HERC2: variants seen among roughly 807,000 people sequenced by gnomAD.
HERC2 encodes E3 ubiquitin-protein ligase HERC2.
HERC2 carries 102 observed loss-of-function variants against 537.7 expected under a neutral mutation model. The ratio of observed to expected loss-of-function variants is 0.19; its 90% CI spans 0.16 to 0.22. HERC2 has a LOEUF of 0.22. Among genes scored for constraint, HERC2 ranks in the 10% least tolerant of loss-of-function variants. The probability of loss-of-function intolerance (pLI) is 1.00; values close to 1 mark genes in which losing one functional copy is unlikely to be tolerated. For synonymous variants in HERC2, 2,224 were observed against 2,466.2 expected (o/e 0.90, Z 2.91); for missense variants, 4,236 against 6,198.2 (o/e 0.68, Z 10.63).
Position 28,301,544 on chromosome 15 carries a change from C to T in HERC2, c.73-2028G>A, listed in dbSNP as rs554438807. Among the ~76,000 whole-genome samples, 443 of 150,216 alleles carry T rather than the reference C, an allele frequency of 2.9e-3. 1 individual carries two copies. The highest frequency in any genetic ancestry group is 0.01 in the African/African-American group (416 of 41,094). ...GTCAACATTTGTGAGTCAGAAAAGG[C>T]TTCCCAGAACAGGAAAAGGGAGCAT... is the stretch of plus-strand genomic sequence containing the variant. On this transcript the variant is annotated intron_variant, in intron 2 of 92. Coordinates refer to ENST00000261609, the MANE Select transcript of HERC2 (RefSeq NM_004667.6).
chr15:28,305,376 T>A (rs1175322578), intron 2 of HERC2, among the ~76,000 whole-genome samples: 6 of 151,194 alleles, frequency 4.0e-5, no homozygotes, highest in African/African-American at 1.5e-4. Flanking sequence ...TAACGCCGCA[T>A]ACCTACAACT....
intron 2 of HERC2, among the ~76,000 whole-genome samples, chr15:28,310,173 A>G (rs931121096): frequency 3.9e-5 from 6 of 152,354 alleles, no homozygotes; most frequent in African/African-American, 1.4e-4. Context: ...AAAGCTGAGC[A>G]TGGTGGCTCA....
chr15:28,156,135 T>C (rs1892984032), intron 69 of HERC2, among the ~76,000 whole-genome samples: 1 of 152,242 alleles, frequency 6.6e-6, no homozygotes, highest in Non-Finnish European at 1.5e-5. Flanking sequence ...TCTGTTTTGG[T>C]ACCAGTACCA....
chr15:28,175,476 G>A (rs1399117666), intron 64 of HERC2, 36 bp downstream of exon 64: 20 of 1,577,944 alleles, frequency 1.3e-5, no homozygotes, highest in Non-Finnish European at 1.6e-5. Flanking sequence ...CCCAAGTCAG[G>A]ATGGCACGCC....
chr15:28,274,077 A>G (rs1190741634), intron 7 of HERC2, among the ~76,000 whole-genome samples: 1 of 152,242 alleles, frequency 6.6e-6, no homozygotes, highest in East Asian at 1.9e-4. Context: ...CGTCTCATTT[A>G]GTATCACAGC....
intron 2 of HERC2, among the ~76,000 whole-genome samples, chr15:28,316,213 ACT>A (rs1387357773): frequency 2.0e-3 from 250 of 124,258 alleles, no homozygotes; most frequent in African/African-American, 7.5e-3. Context: ...ACAGAGTGAG[ACT>A]CTGTCTCAAA....
At chr15:28,184,587 C>T (rs1346999819) in intron 56 of HERC2, among the ~76,000 whole-genome samples, 1 of 151,994 alleles carries the variant, frequency 6.6e-6, no homozygotes, top group Non-Finnish European at 1.5e-5. Context: ...TATGGCCAGG[C>T]GCAGTGGCTC....
rs757734104 is a variant in HERC2 at position 28,152,668 on chromosome 15, C to G, written c.10900+9G>C. 10 of 1,543,276 alleles carry G rather than the reference C, an allele frequency of 6.5e-6. No homozygotes were observed. The highest frequency in any genetic ancestry group is 8.8e-6 in the Non-Finnish European group (10 of 1,142,084). ...GGCTGCAGCTCCCCGCTGGGGCCAG[C>G]CCCTGTACCTGGTATCTTCACTGTG... On this transcript the variant is annotated intron_variant, in intron 70 of 92. Coordinates refer to ENST00000261609, the MANE Select transcript of HERC2 (RefSeq NM_004667.6).
chr15:28,142,848 C>G lies in HERC2; in HGVS notation c.11523G>C (p.Leu3841=), dbSNP rs1891363200. Residue 3841 remains leucine, a synonymous_variant, in exon 75 of 93, where the codon CTG becomes CTC. Transcript: ENST00000261609. Reference sequence around the variant, plus strand: ...TTACCTTAAAGAATGGGCTGTGGAGCAGCTGTTTGCCACCCCTCACAATAG... The same window carrying G: ...TTACCTTAAAGAATGGGCTGTGGAGGAGCTGTTTGCCACCCCTCACAATAG... ...EDPIVRGGKQ[L]LHSPFFKVLV... is the part of the protein sequence containing the mutation. The G allele has an allele frequency of 1.9e-6, 3 of 1,576,952 alleles. No homozygotes were observed. Among genetic ancestry groups the G allele is most frequent in the Non-Finnish European group, 2.6e-6 (3 of 1,151,576 alleles).
chr15:28,292,424 G>T (rs2141140022), intron 4 of HERC2, among the ~76,000 whole-genome samples: 1 of 152,246 alleles, frequency 6.6e-6, no homozygotes, highest in East Asian at 1.9e-4. Flanking sequence ...AACAAAAAGT[G>T]TTGGTGAGGG....
Position 28,163,116 on chromosome 15 carries a change from C to T in HERC2, c.10724G>A (p.Gly3575Asp), listed in dbSNP as rs752377599. Residue 3575 changes from glycine to aspartate, a missense_variant, in exon 69 of 93, where the codon GGC (glycine) becomes GAC (aspartate). Physicochemically the swap from Gly to Asp is moderately conservative, Grantham distance 94. Transcript: ENST00000261609. Reference protein sequence around the residue: ...GRDVLSAVLSGMGTAYPQVAD... With the variant: ...GRDVLSAVLSDMGTAYPQVAD... ...CACCTGTGGGTAGGCGGTCCCCATG[C>T]CGGAAAGCACCGCGGAGAGCACATC... The T allele has an allele frequency of 2.5e-6, 4 of 1,610,630 alleles. No individual in the cohort carries two copies. Among genetic ancestry groups the T allele is most frequent in the East Asian group, 4.5e-5 (2 of 44,850 alleles).
At chr15:28,317,557 A>G (rs1230225957) in intron 2 of HERC2, among the ~76,000 whole-genome samples, 2 of 152,204 alleles carry the variant, frequency 1.3e-5, no homozygotes, top group Non-Finnish European at 2.9e-5. Flanking sequence ...AGTAAAGAAA[A>G]TCATTTCCGA....
rs1026399369 is a variant in HERC2 at position 28,176,904 on chromosome 15, T to C, written c.9432+46A>G. 4 of 1,594,690 alleles carry C rather than the reference T, an allele frequency of 2.5e-6. No homozygotes were observed. The African/African-American group carries it at 5.4e-5, about 21-fold the overall frequency. On this transcript the variant is annotated intron_variant, in intron 61 of 92. Transcript: ENST00000261609. This position sits in a 1 kb window ranked among gnomAD's most constrained non-coding sequence, Gnocchi z 5.0. ...TTGAAGCTTATTTTCTCTTGACATCTTCAGATGGTAAGCTTTCTGCAAGCA... is the reference window on the plus strand; with the variant it reads ...TTGAAGCTTATTTTCTCTTGACATCCTCAGATGGTAAGCTTTCTGCAAGCA...
intron 69 of HERC2, among the ~76,000 whole-genome samples, chr15:28,159,278 T>C (rs1176601502): frequency 3.3e-5 from 5 of 152,230 alleles, no homozygotes; most frequent in African/African-American, 1.2e-4. Flanking sequence ...ATTTTAATGT[T>C]GGCCTGCCTT....
chr15:28,233,800 C>A lies in HERC2; in HGVS notation c.4219-4G>T. ...TTTCTATTTGACACAAAAAGTCCTG[C>A]AACAGAAACAGCTGGAAGTAACTTC... On this transcript the variant is annotated splice_polypyrimidine_tract_variant and splice_region_variant and intron_variant, in intron 27 of 92. Transcript: ENST00000261609. The A allele has an allele frequency of 6.2e-7, 1 of 1,612,036 alleles. No individual in the cohort carries two copies. The highest frequency in any genetic ancestry group is 8.5e-7 in the Non-Finnish European group (1 of 1,179,778).
chr15:28,195,018 T>C (rs947983560), intron 52 of HERC2, among the ~76,000 whole-genome samples: 1 of 149,822 alleles, frequency 6.7e-6, no homozygotes, highest in Non-Finnish European at 1.5e-5. Flanking sequence ...ATCGCGCCAC[T>C]GCACTCCAGC....
At chr15:28,136,615 C>T (rs983180843) in intron 78 of HERC2, among the ~76,000 whole-genome samples, 1 of 149,602 alleles carries the variant, frequency 6.7e-6, no homozygotes, top group African/African-American at 2.6e-5. Context: ...TTCATAACTA[C>T]AACAGGAGTT....
At position 28,125,031 on chromosome 15, in the gene HERC2, G is replaced by A; in HGVS notation, c.12965C>T (p.Ala4322Val). 6.2e-7 allele frequency: 1 copy of A among 1,604,142 alleles called. No homozygotes were observed. Among genetic ancestry groups the A allele is most frequent in the Non-Finnish European group, 8.5e-7 (1 of 1,171,564 alleles). The part of the protein sequence containing the change: ...HTLAWSTSKP[A>V]SAGKLPAQVP... ...CTGTGCAGGGAGTTTGCCAGCACTG[G>A]CGGGCTTGCTGGTCGACCAGGCGAG... Residue 4322 changes from alanine (A) to valine (V), a missense_variant, in exon 84 of 93, where the codon GCC becomes GTC. Transcript: ENST00000261609.
chr15:28,202,048 T>G (rs2140341270), intron 47 of HERC2, 65 bp downstream of exon 47: 1 of 1,043,396 alleles, frequency 9.6e-7, no homozygotes, highest in East Asian at 2.5e-5. Context: ...AGCCAAGGTG[T>G]AAGACTGTTA....
Sources: allele counts gnomAD v4.1 joint callset (sites outside exome capture counted in the v4.1 genomes callset), GRCh38; gene constraint gnomAD v4.1.1; non-coding constraint Gnocchi (gnomAD v3.1); transcripts MANE v1.5; gene names NCBI Gene and HGNC (gene_info 2026-07-23, HGNC 2026-07-21).